The following TCHHL1 variants were observed in gnomAD, a reference collection of about 807,000 sequenced individuals.
TCHHL1 encodes the protein trichohyalin like 1.
TCHHL1 carries 1 observed loss-of-function variant against 3.5 expected under a neutral mutation model. The ratio of observed to expected loss-of-function variants is 0.29; its 90% CI spans 0.10 to 1.36. The LOEUF (loss-of-function observed/expected upper bound fraction) is 1.36, where lower values mean the gene tolerates loss of function less well. Ranked by LOEUF, TCHHL1 falls within the 40% of genes most tolerant of loss-of-function variation. The pLI, the probability that TCHHL1 is intolerant of heterozygous loss-of-function variation, is 0.43. For synonymous variants in TCHHL1, 405 were observed against 375.3 expected, an observed-to-expected ratio of 1.08 and a Z score of -0.92; for missense variants, 1,027 against 1,032.8, an observed-to-expected ratio of 0.99 and a Z score of 0.08.
chr1:152,086,894 G>A lies in TCHHL1; in HGVS notation c.788C>T (p.Ser263Leu), dbSNP rs1431414087. The change falls in exon 3 of 3, where the codon TCA (serine) becomes TTA (leucine). Residue 263 changes from serine to leucine, a missense_variant. Physicochemically the swap from Ser to Leu is moderately radical, Grantham distance 145 (BLOSUM62 -2). This residue lies in a region of TCHHL1 where 338 missense variants were observed against 335.9 expected (regional missense o/e 1.01). Coordinates refer to ENST00000368806, the MANE Select transcript of TCHHL1 (RefSeq NM_001008536.2). Reference protein sequence around the residue: ...EQEGNLATQSSPPKEATQRPC... With the variant: ...EQEGNLATQSLPPKEATQRPC... Reference sequence around the variant, plus strand: ...TCTTTGTGTTGCTTCTTTTGGTGGTGAACTTTGGGTTGCCAAGTTTCCTTC... The same window carrying A: ...TCTTTGTGTTGCTTCTTTTGGTGGTAAACTTTGGGTTGCCAAGTTTCCTTC... 2 of 1,614,120 alleles carry A rather than the reference G, an allele frequency of 1.2e-6. No individual in the cohort carries two copies. Among genetic ancestry groups the A allele is most frequent in the Admixed American group, 3.3e-5 (2 of 60,012 alleles).
At position 152,085,797 on chromosome 1, in the gene TCHHL1, C is replaced by A. The variant is rs1400223896; in HGVS notation, c.1885G>T (p.Ala629Ser). ...CCTTGATTCTTGTGTTCTCCTCTGG[C>A]AGGCTGTTCCTGGTCCTCTGTGAGC... is the stretch of plus-strand genomic sequence containing the variant. ...VQLTEDQEQPARGEHKNQGPG... is the reference protein window; with the variant it reads ...VQLTEDQEQPSRGEHKNQGPG... Residue 629 changes from alanine (A) to serine (S), a missense_variant, in exon 3 of 3, where the codon GCC becomes TCC. Ala to Ser is a moderately conservative substitution (Grantham distance 99). Coordinates refer to ENST00000368806, the MANE Select transcript of TCHHL1 (RefSeq NM_001008536.2). 6.2e-7 allele frequency: 1 copy of A among 1,614,086 alleles called. No individual in the cohort carries two copies. The highest frequency in any genetic ancestry group is 8.5e-7 in the Non-Finnish European group (1 of 1,180,056).
At position 152,085,571 on chromosome 1, in the gene TCHHL1, G is replaced by A. The variant is rs1657704859; in HGVS notation, c.2111C>T (p.Pro704Leu). The change falls in exon 3 of 3, where the codon CCA becomes CTA. Residue 704 changes from proline (P) to leucine (L), a missense_variant. Pro to Leu is a moderately conservative substitution (Grantham distance 98, BLOSUM62 -3). Coordinates refer to ENST00000368806, the MANE Select transcript of TCHHL1 (RefSeq NM_001008536.2). ...TCTTCCTTTCTCTTCTTTGCTACTT[G>A]GGCCTTGGACCTTTAATTCATTTCT... ...DSRNELKVQG[P>L]SSKEEKGRAT... 6.2e-7 allele frequency: 1 copy of A among 1,614,158 alleles called. No homozygotes were observed. Among genetic ancestry groups the A allele is most frequent in the African/African-American group, 1.3e-5 (1 of 75,006 alleles).
At position 152,087,070 on chromosome 1, in the gene TCHHL1, G is replaced by A; in HGVS notation, c.612C>T (p.Gly204=). The change falls in exon 3 of 3, where the codon GGC becomes GGT. Residue 204 remains glycine, a synonymous_variant. Transcript: ENST00000368806. ...CCATTGGCTTATTTGTCTTAAGTTG[G>A]CCTTCATTGTCTTCTGTTGTTTGTA... ...QDIQTTEDNE[G]QLKTNKPMAG... The A allele has an allele frequency of 6.2e-7, 1 of 1,613,974 alleles. No individual in the cohort carries two copies. Among genetic ancestry groups the A allele is most frequent in the Non-Finnish European group, 8.5e-7 (1 of 1,179,996 alleles).
In TCHHL1 at chr1:152,086,163, T is replaced by A; in HGVS notation, c.1519A>T (p.Lys507Ter). The change falls in exon 3 of 3, where the codon AAG (lysine) becomes TAG (stop). Residue 507 changes from lysine (K) to a stop codon, truncating the protein, a stop_gained. Coordinates refer to ENST00000368806, the MANE Select transcript of TCHHL1 (RefSeq NM_001008536.2). LOFTEE classifies it low-confidence loss of function (END_TRUNC). Reference protein sequence around the residue: ...ERTQDLAPLEKQSVGENTRVT... With the variant: ...ERTQDLAPLE Reference sequence around the variant, plus strand: ...CTAGTATTTTCTCCTACAGACTGCTTCTCAAGTGGTGCTAAATCTTGTGTT... The same window carrying A: ...CTAGTATTTTCTCCTACAGACTGCTACTCAAGTGGTGCTAAATCTTGTGTT... The A allele has an allele frequency of 6.2e-7, 1 of 1,614,192 alleles. No individual in the cohort carries two copies. The highest frequency in any genetic ancestry group is 8.5e-7 in the Non-Finnish European group (1 of 1,180,034).
At chr1:152,088,307 G>T (rs1351171875) in intron 1 of TCHHL1, 144 bp from the exon 2 acceptor site, 1 of 667,448 alleles carries the variant, frequency 1.5e-6, no homozygotes. Context: ...CTGAACTCCA[G>T]GGGTGATTTA....
rs1557800902 is a variant in TCHHL1, at chr1:152,085,522, CAG to C, written c.2158_2159del (p.Leu720ValfsTer6). ...KGRATEAQNT[L>X]LESLDEDNSA... Reference sequence around the variant, plus strand: ...AATTGTCCTCATCTAGACTTTCTAACAGAGTATTCTGGGCCTCTGTTGCTCTT... The same window carrying C: ...AATTGTCCTCATCTAGACTTTCTAACAGTATTCTGGGCCTCTGTTGCTCTT... On this transcript the variant is annotated frameshift_variant, in exon 3 of 3. Coordinates refer to ENST00000368806, the MANE Select transcript of TCHHL1 (RefSeq NM_001008536.2). LOFTEE classifies it low-confidence loss of function (END_TRUNC). 3.1e-6 allele frequency: 5 copies of C among 1,614,172 alleles called. No individual in the cohort carries two copies. The highest frequency in any genetic ancestry group is 3.4e-6 in the Non-Finnish European group (4 of 1,180,030).
At position 152,085,027 on chromosome 1, in the gene TCHHL1, T is replaced by A. The variant is rs1271551862; in HGVS notation, c.2655A>T (p.Gln885His). ...TPAPQALEDK[Q>H]GHPQRERLVL... ...CCAGCCTCTCTCTCTGAGGGTGACC[T>A]TGCTTATCTTCCAAGGCCTGGGGAG... Residue 885 changes from glutamine (Q) to histidine (H), a missense_variant, in exon 3 of 3, where the codon CAA (glutamine) becomes CAT (histidine). Gln to His is a conservative substitution (Grantham distance 24). Around this residue, in one of 3 missense-constraint regions of TCHHL1, gnomAD observed 673 missense variants for 658.6 expected, o/e 1.02. Coordinates refer to ENST00000368806, the MANE Select transcript of TCHHL1 (RefSeq NM_001008536.2). The A allele has an allele frequency of 8.7e-6, 14 of 1,614,010 alleles. No homozygotes were observed. The highest frequency in any genetic ancestry group is 1.2e-5 in the Non-Finnish European group (14 of 1,180,026).
rs1192672400 is a variant in TCHHL1, at chr1:152,086,278, C to T, written c.1404G>A (p.Glu468=). The part of the protein sequence containing the change: ...ELEGTAVSGE[E]AEHTKEGTAE... ...CTGTGCCTTCTTTGGTGTGTTCTGC[C>T]TCTTCTCCTGAGACTGCTGTTCCTT... The change falls in exon 3 of 3, where the codon GAG becomes GAA. Residue 468 remains glutamate, a synonymous_variant. Coordinates refer to ENST00000368806, the MANE Select transcript of TCHHL1 (RefSeq NM_001008536.2). The T allele has an allele frequency of 3.1e-6, 5 of 1,614,064 alleles. No homozygotes were observed.
Position 152,084,267 on chromosome 1 carries a change from G to T in TCHHL1, c.*700C>A, listed in dbSNP as rs899980041. On this transcript the variant is annotated 3_prime_UTR_variant, in exon 3 of 3. Transcript: ENST00000368806. Reference sequence around the variant, plus strand: ...TTCTTATAAAATCAAACATACTTTAGATTTGTGTTTTCTCTCATAATTATT... The same window carrying T: ...TTCTTATAAAATCAAACATACTTTATATTTGTGTTTTCTCTCATAATTATT... 1.8e-5 allele frequency: 3 copies of T among 168,220 alleles called. No homozygotes were observed. The highest frequency in any genetic ancestry group is 6.5e-5 in the Admixed American group (1 of 15,282). 10.4% of individuals were successfully genotyped at this position (168,220 alleles called of 1,614,324 possible).
chr1:152,086,651 G>C lies in TCHHL1; in HGVS notation c.1031C>G (p.Pro344Arg), dbSNP rs148378378. ...QEPGKDADQT[P>R]AKTKNLGEPE... ...TTCACCCAAATTCTTTGTTTTAGCTGGTGTCTGGTCAGCATCCTTTCCTGG... is the reference window on the plus strand; with the variant it reads ...TTCACCCAAATTCTTTGTTTTAGCTCGTGTCTGGTCAGCATCCTTTCCTGG... Residue 344 changes from proline to arginine, a missense_variant, in exon 3 of 3, where the codon CCA (proline) becomes CGA (arginine). By Grantham distance (103) the Pro-to-Arg change is moderately radical. Transcript: ENST00000368806. 2.5e-6 allele frequency: 4 copies of C among 1,613,894 alleles called. No homozygotes were observed. Among genetic ancestry groups the C allele is most frequent in the African/African-American group, 2.7e-5 (2 of 74,870 alleles).
In TCHHL1 at chr1:152,086,808, G is replaced by T; in HGVS notation, c.874C>A (p.Pro292Thr). ...CTGGGCTCATCTTCTCTTTGTAGGG[G>T]TGGTTCTTGTATATTAGAGTGTTTT... is the stretch of plus-strand genomic sequence containing the variant. The part of the protein sequence containing the change: ...KEKHSNIQEP[P>T]LQREDEPSSQ... Residue 292 changes from proline to threonine, a missense_variant, in exon 3 of 3, where the codon CCC becomes ACC. Pro to Thr is a conservative substitution (Grantham distance 38). Around this residue, in one of 3 missense-constraint regions of TCHHL1, gnomAD observed 338 missense variants for 335.9 expected, o/e 1.01. Coordinates refer to ENST00000368806, the MANE Select transcript of TCHHL1 (RefSeq NM_001008536.2). 6.2e-7 allele frequency: 1 copy of T among 1,614,146 alleles called. No homozygotes were observed. The highest frequency in any genetic ancestry group is 8.5e-7 in the Non-Finnish European group (1 of 1,180,036).
At position 152,086,843 on chromosome 1, in the gene TCHHL1, G is replaced by A. The variant is rs145238234; in HGVS notation, c.839C>T (p.Thr280Ile). Residue 280 changes from threonine to isoleucine, a missense_variant, in exon 3 of 3, where the codon ACA (threonine) becomes ATA (isoleucine). By Grantham distance (89) the Thr-to-Ile change is moderately conservative. This residue lies in a region of TCHHL1 where 338 missense variants were observed against 335.9 expected (regional missense o/e 1.01). Coordinates refer to ENST00000368806, the MANE Select transcript of TCHHL1 (RefSeq NM_001008536.2). ...QRPCEDQEVR[T>I]EKEKHSNIQE... The stretch of plus-strand genomic sequence containing the variant: ...TATATTAGAGTGTTTTTCCTTTTCT[G>A]TTCTAACTTCCTGATCTTCACATGG... The A allele has an allele frequency of 6.6e-4, 1,068 of 1,614,062 alleles. 3 individuals are homozygous for A. Among genetic ancestry groups the A allele is most frequent in the South Asian group, 2.4e-3 (222 of 91,076 alleles).
chr1:152,087,595 C>A, intron 2 of TCHHL1, 52 bp from the exon 3 acceptor site: 1 of 1,497,806 alleles, frequency 6.7e-7, no homozygotes, highest in South Asian at 1.3e-5. Flanking sequence ...GTCCAGTGTC[C>A]TAAGTGTCTC....
In TCHHL1 at chr1:152,086,262, C is replaced by A; in HGVS notation, c.1420G>T (p.Glu474Ter). Reference protein sequence around the residue: ...VSGEEAEHTKEGTAEAFVNSK... With the variant: ...VSGEEAEHTK Reference sequence around the variant, plus strand: ...TTCACAAATGCTTCTGCTGTGCCTTCTTTGGTGTGTTCTGCCTCTTCTCCT... The same window carrying A: ...TTCACAAATGCTTCTGCTGTGCCTTATTTGGTGTGTTCTGCCTCTTCTCCT... Residue 474 changes from glutamate to a stop codon, truncating the protein, a stop_gained, in exon 3 of 3, where the codon GAA (glutamate) becomes TAA (stop). Coordinates refer to ENST00000368806, the MANE Select transcript of TCHHL1 (RefSeq NM_001008536.2). LOFTEE classifies it low-confidence loss of function (END_TRUNC). 1 of 1,614,234 alleles carries A rather than the reference C, an allele frequency of 6.2e-7. No homozygotes were observed. Among genetic ancestry groups the A allele is most frequent in the Non-Finnish European group, 8.5e-7 (1 of 1,180,056 alleles).
rs1256089157 is a variant in TCHHL1 at position 152,084,900 on chromosome 1, A to G, written c.*67T>C. On this transcript the variant is annotated 3_prime_UTR_variant, in exon 3 of 3. Coordinates refer to ENST00000368806, the MANE Select transcript of TCHHL1 (RefSeq NM_001008536.2). Reference sequence around the variant, plus strand: ...TTAAAAGATTGTTAATCTGCATCTGAATGTGTACACGTGAGTATTGAGGGT... The same window carrying G: ...TTAAAAGATTGTTAATCTGCATCTGGATGTGTACACGTGAGTATTGAGGGT... The G allele has an allele frequency of 1.4e-6, 2 of 1,447,010 alleles. No individual in the cohort carries two copies. The highest frequency in any genetic ancestry group is 2.9e-5 in the African/African-American group (2 of 70,152). The allele number at this position is 1,447,010 out of a possible 1,614,324, so 89.6% of individuals were successfully genotyped here.
At position 152,086,168 on chromosome 1, in the gene TCHHL1, A is replaced by G. The variant is rs748553219; in HGVS notation, c.1514T>C (p.Leu505Pro). The change falls in exon 3 of 3, where the codon CTT becomes CCT. Residue 505 changes from leucine (L) to proline (P), a missense_variant. Transcript: ENST00000368806. ...ATTTTCTCCTACAGACTGCTTCTCA[A>G]GTGGTGCTAAATCTTGTGTTCTTTC... ...ARERTQDLAPLEKQSVGENTR... is the reference protein window; with the variant it reads ...ARERTQDLAPPEKQSVGENTR... 1 of 1,614,150 alleles carries G rather than the reference A, an allele frequency of 6.2e-7. No homozygotes were observed. The highest frequency in any genetic ancestry group is 1.7e-5 in the Admixed American group (1 of 60,022).
At position 152,086,199 on chromosome 1, in the gene TCHHL1, C is replaced by A. The variant is rs1452332281; in HGVS notation, c.1483G>T (p.Ala495Ser). ...NAPAAERTLG[A>S]RERTQDLAPL... Reference sequence around the variant, plus strand: ...GCTAAATCTTGTGTTCTTTCTCTTGCCCCCAGTGTCCTTTCTGCTGCAGGT... The same window carrying A: ...GCTAAATCTTGTGTTCTTTCTCTTGACCCCAGTGTCCTTTCTGCTGCAGGT... Residue 495 changes from alanine (A) to serine (S), a missense_variant, in exon 3 of 3, where the codon GCA (alanine) becomes TCA (serine). This residue lies in a region of TCHHL1 where 673 missense variants were observed against 658.6 expected (regional missense o/e 1.02). Transcript: ENST00000368806. 6.2e-7 allele frequency: 1 copy of A among 1,614,198 alleles called. No homozygotes were observed. The highest frequency in any genetic ancestry group is 8.5e-7 in the Non-Finnish European group (1 of 1,180,040).
At chr1:152,088,221 A>G (rs1236017900) in intron 1 of TCHHL1, 58 bp from the exon 2 acceptor site, 9 of 1,448,780 alleles carry the variant, frequency 6.2e-6, no homozygotes, top group Non-Finnish European at 8.2e-6. Flanking sequence ...GGGAGGAGAT[A>G]CCAAGATTAT....
At position 152,086,767 on chromosome 1, in the gene TCHHL1, G is replaced by T; in HGVS notation, c.915C>A (p.Asp305Glu). ...ACCTGGCAGCAGCTTGTTCTGGCAGGTCAGCATGCTGTGAACTGGGCTCAT... is the reference window on the plus strand; with the variant it reads ...ACCTGGCAGCAGCTTGTTCTGGCAGTTCAGCATGCTGTGAACTGGGCTCAT... ...REDEPSSQHA[D>E]LPEQAAARSP... is the part of the protein sequence containing the mutation. Residue 305 changes from aspartate (D) to glutamate (E), a missense_variant, in exon 3 of 3, where the codon GAC becomes GAA. Coordinates refer to ENST00000368806, the MANE Select transcript of TCHHL1 (RefSeq NM_001008536.2). The T allele has an allele frequency of 6.2e-7, 1 of 1,614,176 alleles. No homozygotes were observed. Among genetic ancestry groups the T allele is most frequent in the Non-Finnish European group, 8.5e-7 (1 of 1,180,030 alleles).
Sources: allele counts gnomAD v4.1 joint callset, GRCh38; gene constraint gnomAD v4.1.1; regional missense constraint gnomAD v4.1.1; transcripts MANE v1.5; gene names NCBI Gene and HGNC (gene_info 2026-07-23, HGNC 2026-07-21).